FRMD5: variants seen among roughly 807,000 people sequenced by gnomAD.
The protein encoded by FRMD5 is FERM domain-containing protein 5.
A neutral mutation model predicts 69.0 loss-of-function variants in FRMD5; 20 were observed. That is an observed-to-expected ratio of 0.29 (90% CI 0.20 to 0.42). The LOEUF (loss-of-function observed/expected upper bound fraction) is 0.42, where lower values mean the gene tolerates loss of function less well. FRMD5 is among the 10% of genes least tolerant of loss of function. The pLI is 1.00. For missense variants in FRMD5, 595 were observed against 708.6 expected, an observed-to-expected ratio of 0.84 and a Z score of 1.82; for synonymous variants, 271 against 260.1, an observed-to-expected ratio of 1.04 and a Z score of -0.40.
intron 1 of FRMD5, among the ~76,000 whole-genome samples, chr15:44,050,361 T>C (rs1366857699): frequency 2.6e-5 from 4 of 152,020 alleles, no homozygotes; most frequent in African/African-American, 9.7e-5. Context: ...AGTATTTTTC[T>C]TTTTCTTTTT....
rs1337446500 is a variant in FRMD5 at position 43,871,079 on chromosome 15, T to G, written c.*2806A>C. On this transcript the variant is annotated 3_prime_UTR_variant, in exon 14 of 14. Transcript: ENST00000417257. ...GAGATAAACTAATTTTGAGAGAAAA[T>G]GAGAGACATGTTAGAACACAGTATA... 1 of 152,086 alleles carries G rather than the reference T, an allele frequency of 6.6e-6. No individual in the cohort carries two copies. Among genetic ancestry groups the G allele is most frequent in the African/African-American group, 2.4e-5 (1 of 41,402 alleles). The allele number at this position is 152,086 out of a possible 1,614,324, so 9.4% of individuals were successfully genotyped here.
Position 43,876,406 on chromosome 15 carries a change from C to T in FRMD5, c.1136-1944G>A, listed in dbSNP as rs75837427. On this transcript the variant is annotated intron_variant, in intron 13 of 13. Coordinates refer to ENST00000417257, the MANE Select transcript of FRMD5 (RefSeq NM_032892.5). ...CTTTAAGAGGCAGGAATGGGCCAGA[C>T]ACGATGGCTCCCATCTGTAATCCCA... 9.5e-3 allele frequency among the ~76,000 whole-genome samples: 1,451 copies of T among 152,240 alleles called. 19 individuals are homozygous for T. The highest frequency in any genetic ancestry group is 0.033 in the African/African-American group (1,360 of 41,514).
chr15:44,052,198 T>A (rs904932483), intron 1 of FRMD5, among the ~76,000 whole-genome samples: 4 of 152,208 alleles, frequency 2.6e-5, no homozygotes, highest in African/African-American at 9.7e-5. Context: ...TATATCAGTA[T>A]GGACTTATGT....
chr15:43,966,010 G>A (rs1234854839), intron 1 of FRMD5, among the ~76,000 whole-genome samples: 1 of 152,144 alleles, frequency 6.6e-6, no homozygotes, highest in Non-Finnish European at 1.5e-5. Flanking sequence ...TAATGAAAGT[G>A]CCTGCTGCAT....
intron 1 of FRMD5, among the ~76,000 whole-genome samples, chr15:43,995,641 GC>G (rs1033996214): frequency 5.3e-5 from 8 of 150,414 alleles, no homozygotes; most frequent in African/African-American, 1.7e-4. Flanking sequence ...CCTGGGGCCA[GC>G]CTGGTATTAG....
chr15:43,956,787 CAGA>C (rs1312443704), intron 1 of FRMD5, among the ~76,000 whole-genome samples: 2 of 152,192 alleles, frequency 1.3e-5, no homozygotes, highest in Non-Finnish European at 2.9e-5. Flanking sequence ...TCATGAATTT[CAGA>C]AGAAGTAAAG....
At chr15:44,170,881 C>T (rs1167312834) in intron 1 of FRMD5, among the ~76,000 whole-genome samples, 1 of 152,180 alleles carries the variant, frequency 6.6e-6, no homozygotes, top group Non-Finnish European at 1.5e-5. Flanking sequence ...AACAAAGAGA[C>T]TTACTATCGA....
chr15:43,920,864 G>A (rs1392588731), intron 2 of FRMD5, among the ~76,000 whole-genome samples: 1 of 152,188 alleles, frequency 6.6e-6, no homozygotes. Context: ...CCTCCCTCTG[G>A]CAGGAGAGCA....
At chr15:44,170,471 CG>C (rs2077782256) in intron 1 of FRMD5, among the ~76,000 whole-genome samples, 1 of 150,562 alleles carries the variant, frequency 6.6e-6, no homozygotes, top group African/African-American at 2.4e-5. Flanking sequence ...TGCAGTAAGC[CG>C]AGATCACACC....
At chr15:43,935,753 G>A (rs533766614) in intron 1 of FRMD5, among the ~76,000 whole-genome samples, 11 of 152,276 alleles carry the variant, frequency 7.2e-5, no homozygotes, top group East Asian at 1.9e-4. Context: ...GGCCTCTGGC[G>A]CATCCCTGTC....
At chr15:44,157,340 A>T (rs1251623490) in intron 1 of FRMD5, among the ~76,000 whole-genome samples, 1 of 152,204 alleles carries the variant, frequency 6.6e-6, no homozygotes, top group African/African-American at 2.4e-5. Context: ...CTATATTTGT[A>T]ATCTACCTGT....
chr15:44,151,396 C>CAAA (rs75229422), intron 1 of FRMD5, among the ~76,000 whole-genome samples: 9 of 58,544 alleles, frequency 1.5e-4, no homozygotes, highest in African/African-American at 5.0e-4. Flanking sequence ...GACTCCATCT[C>CAAA]AAAAAAAAAA....
chr15:44,053,011 T>C (rs751100427), intron 1 of FRMD5, among the ~76,000 whole-genome samples: 11 of 152,190 alleles, frequency 7.2e-5, no homozygotes, highest in Non-Finnish European at 1.5e-4. Flanking sequence ...GTGCTAAGTG[T>C]TACAAAGAAG....
intron 1 of FRMD5, among the ~76,000 whole-genome samples, chr15:44,076,576 G>C (rs1215234674): frequency 1.4e-5 from 2 of 145,168 alleles, no homozygotes; most frequent in Non-Finnish European, 3.0e-5. Flanking sequence ...TGAACTATGA[G>C]ATCACATGGA....
rs767882395 is a variant in FRMD5 at position 44,027,639 on chromosome 15, G to GTTTT, written c.103-103334_103-103331dup. Among the ~76,000 whole-genome samples, 8 of 27,082 alleles carry GTTTT rather than the reference G, an allele frequency of 3.0e-4. 1 individual carries two copies. The highest frequency in any genetic ancestry group is 1.1e-3 in the East Asian group (1 of 944). 17.8% of individuals were successfully genotyped at this position (27,082 alleles called of 152,430 possible). On this transcript the variant is annotated intron_variant, in intron 1 of 13. Transcript: ENST00000417257. ...AAACCTGTGCTGACTTTCTTTTCTA[G>GTTTT]TTTTTTTTTTTGTTTTTTTTTTTTT...
rs111466656 is a variant in FRMD5 at position 44,021,086 on chromosome 15, A to G, written c.103-96777T>C. Among the ~76,000 whole-genome samples the G allele has an allele frequency of 6.8e-3, 1,032 of 152,260 alleles. 14 individuals are homozygous for G. The highest frequency in any genetic ancestry group is 0.024 in the African/African-American group (988 of 41,540). On this transcript the variant is annotated intron_variant, in intron 1 of 13. Transcript: ENST00000417257. ...GCTCATTTGAGTCCAAGAGTTTGAG[A>G]CCAGCCTGAGCAACATGGCTAAACC...
intron 1 of FRMD5, among the ~76,000 whole-genome samples, chr15:44,164,246 T>G (rs927607684): frequency 7.2e-5 from 11 of 152,198 alleles, no homozygotes; most frequent in Admixed American, 2.6e-4. Context: ...TCCCCCTACT[T>G]GATCATGGTA....
Position 43,873,226 on chromosome 15 carries a change from C to T in FRMD5, c.*659G>A, listed in dbSNP as rs2088211199. The T allele has an allele frequency of 1.3e-6, 2 of 1,550,020 alleles. No individual in the cohort carries two copies. The highest frequency in any genetic ancestry group is 1.4e-5 in the African/African-American group (1 of 73,104). On this transcript the variant is annotated 3_prime_UTR_variant, in exon 14 of 14. Transcript: ENST00000417257. ...GTGGTCCCTTCAGATGCCCACTCTGCTCAGATTTGAAAAAACAAAAGGAAA... is the reference window on the plus strand; with the variant it reads ...GTGGTCCCTTCAGATGCCCACTCTGTTCAGATTTGAAAAAACAAAAGGAAA...
At chr15:43,899,109 T>G (rs761273367) in intron 7 of FRMD5, among the ~76,000 whole-genome samples, 1 of 152,248 alleles carries the variant, frequency 6.6e-6, no homozygotes, top group Non-Finnish European at 1.5e-5. Context: ...TCTCTGTTAA[T>G]AGAAATCATC....
Sources: gnomAD v4.1 joint callset for allele counts (sites outside exome capture counted in the v4.1 genomes callset) on GRCh38, gnomAD v4.1.1 for gene constraint, MANE v1.5 for transcripts, NCBI Gene and HGNC (gene_info 2026-07-23, HGNC 2026-07-21) for gene names.